Variants in PDE11A observed in about 807,000 individuals in gnomAD.
PDE11A encodes phosphodiesterase 11A.
In PDE11A, 100 loss-of-function variants were observed where a neutral mutation model predicts 100.5. The ratio of observed to expected loss-of-function variants is 1.00; its 90% CI spans 0.85 to 1.18. The LOEUF (loss-of-function observed/expected upper bound fraction) is 1.18. PDE11A is among the 50% of genes most tolerant of loss of function. PDE11A has a pLI of 0.00. For synonymous variants in PDE11A, 381 were observed against 420.8 expected, an observed-to-expected ratio of 0.91 and a Z score of 1.16; for missense variants, 1,141 against 1,152.6, an observed-to-expected ratio of 0.99 and a Z score of 0.15.
At chr2:177,734,658 A>G (rs1369264013) in intron 10 of PDE11A, among the ~76,000 whole-genome samples, 2 of 152,032 alleles carry the variant, frequency 1.3e-5, no homozygotes, top group African/African-American at 4.8e-5. Flanking sequence ...GGCAGTGGGC[A>G]AGAAACTAAA....
intron 9 of PDE11A, among the ~76,000 whole-genome samples, chr2:177,776,988 T>A (rs925531415): frequency 6.6e-6 from 1 of 152,120 alleles, no homozygotes; most frequent in Non-Finnish European, 1.5e-5. Flanking sequence ...TATAAGTGGC[T>A]TTTCCCCCTT....
chr2:178,064,063 T>G (rs2087007549), intron 1 of PDE11A, among the ~76,000 whole-genome samples: 1 of 152,216 alleles, frequency 6.6e-6, no homozygotes, highest in South Asian at 2.1e-4. Context: ...TGATTAGATT[T>G]GATGATTAGA....
intron 1 of PDE11A, among the ~76,000 whole-genome samples, chr2:178,067,151 T>C (rs2105869720): frequency 6.6e-6 from 1 of 152,304 alleles, no homozygotes; most frequent in Non-Finnish European, 1.5e-5. Context: ...ATTCCCACTG[T>C]TCATGCTTGA....
Position 177,810,573 on chromosome 2 carries a change from C to T in PDE11A, c.1737+6256G>A, listed in dbSNP as rs536093099. On this transcript the variant is annotated intron_variant, in intron 9 of 19. Transcript: ENST00000286063. ...GGAGGTTAGAGCAGAGATCAGATGG[C>T]AGAGAAACAGGTAGCTGGTCTTCAG... 1.3e-5 allele frequency among the ~76,000 whole-genome samples: 2 copies of T among 152,072 alleles called. 1 individual carries two copies. The highest frequency in any genetic ancestry group is 3.9e-4 in the East Asian group (2 of 5,168).
At chr2:177,845,880 C>T (rs940021219) in intron 5 of PDE11A, among the ~76,000 whole-genome samples, 2 of 151,712 alleles carry the variant, frequency 1.3e-5, no homozygotes, top group Middle Eastern at 3.5e-3. Context: ...ACCAGTCAGG[C>T]GTGGCGGCGC....
At chr2:177,765,006 A>G (rs1266668150) in intron 10 of PDE11A, among the ~76,000 whole-genome samples, 1 of 152,216 alleles carries the variant, frequency 6.6e-6, no homozygotes, top group African/African-American at 2.4e-5. Flanking sequence ...ACATTCTTGG[A>G]TGAGTAATTA....
chr2:178,075,016 T>G (rs1394428947), upstream of PDE11A, among the ~76,000 whole-genome samples: 1 of 152,058 alleles, frequency 6.6e-6, no homozygotes, highest in African/African-American at 2.4e-5. Flanking sequence ...TTAGTCATAG[T>G]CCCAACAGGA....
At chr2:177,961,297 A>G (rs1458262029) in intron 2 of PDE11A, among the ~76,000 whole-genome samples, 1 of 151,912 alleles carries the variant, frequency 6.6e-6, no homozygotes, top group Non-Finnish European at 1.5e-5. Context: ...CACCTAAGGC[A>G]TGAAGCTCAC....
chr2:177,639,123 A>G (rs1171683980), intron 19 of PDE11A, among the ~76,000 whole-genome samples: 5 of 152,208 alleles, frequency 3.3e-5, no homozygotes, highest in East Asian at 1.9e-4. Context: ...GCCGTGGCCT[A>G]GAAATTCTAT....
intron 2 of PDE11A, among the ~76,000 whole-genome samples, chr2:178,100,916 GATA>G (rs2087552292): frequency 6.6e-6 from 1 of 152,036 alleles, no homozygotes; most frequent in South Asian, 2.1e-4. Flanking sequence ...CTTATAACAG[GATA>G]ATAATAAAAT....
At chr2:177,852,311 G>A (rs1313772608) in intron 5 of PDE11A, among the ~76,000 whole-genome samples, 1 of 152,074 alleles carries the variant, frequency 6.6e-6, no homozygotes, top group African/African-American at 2.4e-5. Context: ...TGAGGGGTAG[G>A]AGCCAGAGAG....
intron 19 of PDE11A, 101 bp downstream of exon 19, chr2:177,663,765 C>T (rs2080523602): frequency 2.6e-6 from 2 of 767,244 alleles, no homozygotes; most frequent in South Asian, 1.4e-5. Flanking sequence ...CCGCAATGTG[C>T]ATACCCTGGA....
chr2:177,758,752 G>C (rs1289243619), intron 10 of PDE11A, among the ~76,000 whole-genome samples: 3 of 152,124 alleles, frequency 2.0e-5, no homozygotes, highest in Non-Finnish European at 2.9e-5. Context: ...TTGGCCACCC[G>C]CCGGCTGCCT....
At chr2:177,915,129 C>T (rs1341768140) in intron 2 of PDE11A, among the ~76,000 whole-genome samples, 1 of 152,044 alleles carries the variant, frequency 6.6e-6, no homozygotes, top group African/African-American at 2.4e-5. Flanking sequence ...ACACAGTTTC[C>T]CCTATTATTA....
chr2:177,846,491 T>G (rs548051090), intron 5 of PDE11A, among the ~76,000 whole-genome samples: 1 of 152,290 alleles, frequency 6.6e-6, no homozygotes, highest in East Asian at 1.9e-4. Flanking sequence ...ACATCTAACT[T>G]TTAGGGTAAG....
chr2:177,720,357 T>C (rs2081508320), intron 12 of PDE11A, among the ~76,000 whole-genome samples: 1 of 152,122 alleles, frequency 6.6e-6, no homozygotes, highest in South Asian at 2.1e-4. Context: ...AAAAGGATCT[T>C]ACCTTTGTCA....
intron 2 of PDE11A, among the ~76,000 whole-genome samples, chr2:177,985,534 C>T (rs567913142): frequency 4.6e-5 from 7 of 152,282 alleles, no homozygotes; most frequent in African/African-American, 1.7e-4. Context: ...ATTCTCTTCT[C>T]ACTTGCAATG....
chr2:177,766,688 C>T (rs2082244400), intron 10 of PDE11A, among the ~76,000 whole-genome samples: 1 of 152,224 alleles, frequency 6.6e-6, no homozygotes, highest in South Asian at 2.1e-4. Flanking sequence ...AAGCCCACTA[C>T]ATTTTAATGT....
intron 1 of PDE11A, among the ~76,000 whole-genome samples, chr2:178,069,754 C>A (rs2087100915): frequency 6.6e-6 from 1 of 152,128 alleles, no homozygotes; most frequent in African/African-American, 2.4e-5. Flanking sequence ...TAGACAGCAG[C>A]AAGACAAGTT....
Sources: allele counts gnomAD v4.1 joint callset (sites outside exome capture counted in the v4.1 genomes callset), GRCh38; gene constraint gnomAD v4.1.1; transcripts MANE v1.5; gene names NCBI Gene and HGNC (gene_info 2026-07-23, HGNC 2026-07-21).